Variants in CATSPER1 observed in about 807,000 individuals in gnomAD.
CATSPER1 encodes cation channel sperm-associated protein 1.
In CATSPER1, 57 loss-of-function variants were observed where a neutral mutation model predicts 72.7. That is an observed-to-expected ratio of 0.78 (90% CI 0.63 to 0.98). The LOEUF is 0.98. CATSPER1 is among the 50% of genes least tolerant of loss of function. The probability of loss-of-function intolerance (pLI) is 0.00; values close to 1 mark genes in which losing one functional copy is unlikely to be tolerated. For synonymous variants in CATSPER1, 363 were observed against 403.0 expected, an observed-to-expected ratio of 0.90 and a Z score of 1.19; for missense variants, 910 against 1,033.9, an observed-to-expected ratio of 0.88 and a Z score of 1.64.
Position 66,023,046 on chromosome 11 carries a change from C to G in CATSPER1, c.1232G>C (p.Arg411Pro), listed in dbSNP as rs372720906. The G allele has an allele frequency of 6.2e-7, 1 of 1,614,008 alleles. No individual in the cohort carries two copies. The highest frequency in any genetic ancestry group is 8.5e-7 in the Non-Finnish European group (1 of 1,180,026). Residue 411 changes from arginine (R) to proline (P), a missense_variant, in exon 2 of 12, where the codon CGG (arginine) becomes CCG (proline). Transcript: ENST00000312106. Reference protein sequence around the residue: ...FQKRKTGRLQRTRKKGHSTNL... With the variant: ...FQKRKTGRLQPTRKKGHSTNL... The stretch of plus-strand genomic sequence containing the variant: ...GGTAGAGTGTCCCTTCTTGCGGGTC[C>G]GCTGGAGCCGGCCGGCTGAAAGGAA...
intron 5 of CATSPER1, 43 bp downstream of exon 5, chr11:66,021,051 A>C (rs200565668): frequency 1.3e-6 from 2 of 1,596,912 alleles, no homozygotes; most frequent in Non-Finnish European, 1.7e-6. Flanking sequence ...CTTTCACCGC[A>C]GCCCCTCAGG....
At chr11:66,024,468 C>T (rs571545141) in intron 1 of CATSPER1, among the ~76,000 whole-genome samples, 13 of 151,984 alleles carry the variant, frequency 8.6e-5, no homozygotes, top group Admixed American at 1.3e-4. Context: ...TTGGTAAAGA[C>T]GGGATCTCGC....
In CATSPER1 at chr11:66,017,193, G is replaced by GGGGGGGGGGGGGGGGGGGGGGGGCCC; in HGVS notation, c.2202-20_2202-19insGGGCCCCCCCCCCCCCCCCCCCCCCC. On this transcript the variant is annotated intron_variant, in intron 10 of 11. Coordinates refer to ENST00000312106, the MANE Select transcript of CATSPER1 (RefSeq NM_053054.4). ...CTGCTGCCTGCGGGTGGGCGGGGGG[G>GGGGGGGGGGGGGGGGGGGGGGGGCCC]TCGCAGAGACAGGGGCTGGGCTGAC... 2.0e-6 allele frequency: 1 copy of GGGGGGGGGGGGGGGGGGGGGGGGCCC among 493,808 alleles called. No individual in the cohort carries two copies. The highest frequency in any genetic ancestry group is 4.0e-6 in the Non-Finnish European group (1 of 252,618). The allele number at this position is 493,808 out of a possible 1,614,324, so 30.6% of individuals were successfully genotyped here. A position where few individuals can be genotyped will look rare whatever the true frequency, so the allele number is the denominator to read the frequency against.
At position 66,017,178 on chromosome 11, in the gene CATSPER1, C is replaced by T. The variant is rs755511932; in HGVS notation, c.2202-4G>A. ...ATGGAACAGGAGCTCCTGCTGCCTG[C>T]GGGTGGGCGGGGGGGTCGCAGAGAC... On this transcript the variant is annotated splice_polypyrimidine_tract_variant and splice_region_variant and intron_variant, in intron 10 of 11. Coordinates refer to ENST00000312106, the MANE Select transcript of CATSPER1 (RefSeq NM_053054.4). The T allele has an allele frequency of 4.1e-4, 79 of 191,738 alleles. No homozygotes were observed. The highest frequency in any genetic ancestry group is 6.7e-4 in the Non-Finnish European group (68 of 101,436). 11.9% of individuals were successfully genotyped at this position (191,738 alleles called of 1,614,324 possible). A position where few individuals can be genotyped will look rare whatever the true frequency, so the allele number is the denominator to read the frequency against.
At position 66,026,276 on chromosome 11, in the gene CATSPER1, C is replaced by T; in HGVS notation, c.104G>A (p.Gly35Asp). The change falls in exon 1 of 12, where the codon GGC (glycine) becomes GAC (aspartate). Residue 35 changes from glycine (G) to aspartate (D), a missense_variant. Transcript: ENST00000312106. ...SHSSPPHHRP[G>D]HSRALHHYEL... is the part of the protein sequence containing the mutation. ...GTAATGGTGGAGAGCTCTGCTGTGG[C>T]CTGGCCTGTGGTGTGGGGGTGATGA... 6.2e-7 allele frequency: 1 copy of T among 1,614,206 alleles called. No individual in the cohort carries two copies. The highest frequency in any genetic ancestry group is 8.5e-7 in the Non-Finnish European group (1 of 1,180,036).
rs745555831 is a variant in CATSPER1 at position 66,021,663 on chromosome 11, G to A, written c.1544-20C>T. ...AGAAGTCTGAGGGCACGGGGTGCCT[G>A]AGCCTGGCGGGCTCCCAACGCCAGC... On this transcript the variant is annotated intron_variant, in intron 3 of 11. Transcript: ENST00000312106. 2.5e-6 allele frequency: 4 copies of A among 1,606,920 alleles called. No individual in the cohort carries two copies. In the African/African-American group the frequency reaches 4.0e-5, roughly 16 times the overall value.
chr11:66,017,193 G>GGGGGT lies in CATSPER1; in HGVS notation c.2202-20_2202-19insACCCC. On this transcript the variant is annotated intron_variant, in intron 10 of 11. Transcript: ENST00000312106. ...CTGCTGCCTGCGGGTGGGCGGGGGG[G>GGGGGT]TCGCAGAGACAGGGGCTGGGCTGAC... 2 of 493,810 alleles carry GGGGGT rather than the reference G, an allele frequency of 4.1e-6. No homozygotes were observed. Among genetic ancestry groups the GGGGGT allele is most frequent in the African/African-American group, 2.1e-5 (1 of 48,254 alleles). The allele number at this position is 493,810 out of a possible 1,614,324, so 30.6% of individuals were successfully genotyped here.
intron 4 of CATSPER1, 93 bp from the exon 5 acceptor site, chr11:66,021,278 G>T: frequency 7.5e-7 from 1 of 1,335,258 alleles, no homozygotes; most frequent in Non-Finnish European, 1.0e-6. Context: ...AAGGCAGGAG[G>T]CTCCTGACTT....
intron 2 of CATSPER1, 87 bp from the exon 3 acceptor site, chr11:66,021,966 T>G: frequency 3.0e-6 from 3 of 1,005,216 alleles, no homozygotes; most frequent in Non-Finnish European, 4.8e-6. Context: ...CAAGCCCAGA[T>G]TCCCAGGCTC....
chr11:66,022,550 G>A (rs144027691), intron 2 of CATSPER1, among the ~76,000 whole-genome samples: 2,587 of 152,190 alleles, frequency 0.017, 263 homozygotes, highest in Admixed American at 0.15. Context: ...CGGCCCTTCC[G>A]CGAAGCTCGG....
At position 66,017,193 on chromosome 11, in the gene CATSPER1, G is replaced by GGGGCC; in HGVS notation, c.2202-20_2202-19insGGCCC. 8 of 493,784 alleles carry GGGGCC rather than the reference G, an allele frequency of 1.6e-5. No individual in the cohort carries two copies. The highest frequency in any genetic ancestry group is 6.4e-4 in the Middle Eastern group (1 of 1,552). The allele number at this position is 493,784 out of a possible 1,614,324, so 30.6% of individuals were successfully genotyped here. ...CTGCTGCCTGCGGGTGGGCGGGGGG[G>GGGGCC]TCGCAGAGACAGGGGCTGGGCTGAC... On this transcript the variant is annotated intron_variant, in intron 10 of 11. Transcript: ENST00000312106.
chr11:66,017,306 T>C (rs1856259325), intron 10 of CATSPER1, 132 bp from the exon 11 acceptor site: 2 of 639,912 alleles, frequency 3.1e-6, no homozygotes, highest in East Asian at 2.7e-5. Flanking sequence ...ACTGCAGACC[T>C]GCATTTCCAG....
chr11:66,023,142 T>C, intron 1 of CATSPER1, 81 bp from the exon 2 acceptor site: 1 of 1,326,302 alleles, frequency 7.5e-7, no homozygotes, highest in South Asian at 1.2e-5. Context: ...TGGCTCAGCG[T>C]CCATGGTCAC....
In CATSPER1 at chr11:66,020,412, G is replaced by T. The variant is rs1198050351; in HGVS notation, c.1992-23C>A. 1 of 1,613,806 alleles carries T rather than the reference G, an allele frequency of 6.2e-7. No individual in the cohort carries two copies. Among genetic ancestry groups the T allele is most frequent in the Admixed American group, 1.7e-5 (1 of 60,034 alleles). ...AGGCTGGGGAGAGGGACAGGGGTGT[G>T]CCCTCAGCGAGGAGGCCAGAGGAGA... On this transcript the variant is annotated intron_variant, in intron 7 of 11. Coordinates refer to ENST00000312106, the MANE Select transcript of CATSPER1 (RefSeq NM_053054.4). This position sits in a 1 kb window ranked among gnomAD's most constrained non-coding sequence, Gnocchi z 4.5.
At chr11:66,022,176 CCAAAAATA>C (rs1407877818) in intron 2 of CATSPER1, among the ~76,000 whole-genome samples, 5 of 151,984 alleles carry the variant, frequency 3.3e-5, no homozygotes, top group Non-Finnish European at 5.9e-5. Flanking sequence ...CCTGTTTCTA[CCAAAAATA>C]CAAAAATTAG....
chr11:66,017,965 A>G (rs1565069176), intron 10 of CATSPER1, among the ~76,000 whole-genome samples: 1 of 152,152 alleles, frequency 6.6e-6, no homozygotes, highest in Non-Finnish European at 1.5e-5. Context: ...TTGGGAGGTC[A>G]AGGCAGGTGG....
rs1178857660 is a variant in CATSPER1, at chr11:66,025,866, C to T, written c.514G>A (p.Ala172Thr). The stretch of plus-strand genomic sequence containing the variant: ...AGGTAGGACCCACCATGGTGGGAAG[C>T]CTCACCGTGGTGGGGCACGCCAGAG... ...YSSGVPHHGEASHHGGSYLPH... is the reference protein window; with the variant it reads ...YSSGVPHHGETSHHGGSYLPH... The change falls in exon 1 of 12, where the codon GCT (alanine) becomes ACT (threonine). Residue 172 changes from alanine to threonine, a missense_variant. Transcript: ENST00000312106. The T allele has an allele frequency of 6.2e-7, 1 of 1,613,022 alleles. No homozygotes were observed. Among genetic ancestry groups the T allele is most frequent in the Admixed American group, 1.7e-5 (1 of 59,940 alleles).
intron 1 of CATSPER1, 81 bp from the exon 2 acceptor site, chr11:66,023,142 TC>T: frequency 7.5e-7 from 1 of 1,326,300 alleles, no homozygotes; most frequent in Non-Finnish European, 1.1e-6. Context: ...TGGCTCAGCG[TC>T]CATGGTCACT....
At position 66,018,870 on chromosome 11, in the gene CATSPER1, G is replaced by A; in HGVS notation, c.2158C>T (p.Leu720=). Residue 720 remains leucine, a synonymous_variant, in exon 10 of 12, where the codon CTG becomes TTG. Coordinates refer to ENST00000312106, the MANE Select transcript of CATSPER1 (RefSeq NM_053054.4). ...AACTTTTTCTCGATGAGCCGCTTCA[G>A]CATGGTGCCTTCACTCGCCACCTCT... ...PKEVASEGTM[L]KRLIEKKFGT... The A allele has an allele frequency of 6.2e-7, 1 of 1,614,008 alleles. No individual in the cohort carries two copies. Among genetic ancestry groups the A allele is most frequent in the South Asian group, 1.1e-5 (1 of 91,074 alleles).
Sources: gnomAD v4.1 joint callset for allele counts (sites outside exome capture counted in the v4.1 genomes callset) on GRCh38, gnomAD v4.1.1 for gene constraint, Gnocchi (gnomAD v3.1) non-coding constraint, MANE v1.5 for transcripts, NCBI Gene and HGNC (gene_info 2026-07-23, HGNC 2026-07-21) for gene names.